ST3GAL6: variants seen among roughly 807,000 people sequenced by gnomAD.
ST3GAL6 encodes the protein type 2 lactosamine alpha-2,3-sialyltransferase.
ST3GAL6 carries 31 observed loss-of-function variants against 40.5 expected under a neutral mutation model. The observed-to-expected ratio is 0.77, with a 90% confidence interval of 0.58 to 1.03. The LOEUF is 1.03. Among genes scored for constraint, ST3GAL6 ranks in the 50% least tolerant of loss-of-function variants. ST3GAL6 has a pLI of 0.00. For missense variants in ST3GAL6, 357 were observed against 393.2 expected, an observed-to-expected ratio of 0.91 and a Z score of 0.78; for synonymous variants, 129 against 136.9, an observed-to-expected ratio of 0.94 and a Z score of 0.40.
intron 1 of ST3GAL6, among the ~76,000 whole-genome samples, chr3:98,740,263 A>G (rs1414165934): frequency 8.2e-6 from 1 of 121,726 alleles, no homozygotes; most frequent in Non-Finnish European, 1.7e-5. Context: ...TTTGATGTGT[A>G]TGGTTCTTCT....
intron 1 of ST3GAL6, among the ~76,000 whole-genome samples, chr3:98,740,871 A>C (rs774715724): frequency 6.6e-6 from 1 of 151,760 alleles, no homozygotes; most frequent in Non-Finnish European, 1.5e-5. Flanking sequence ...TATACCTCTA[A>C]TTTTTTCTCA....
At chr3:98,756,394 A>G (rs1481043227) in intron 1 of ST3GAL6, 1 of 1,289,774 alleles carries the variant, frequency 7.8e-7, no homozygotes, top group Admixed American at 2.3e-5. Flanking sequence ...AAGCAGCACA[A>G]CCCTGGGTTT....
chr3:98,752,851 T>G (rs546923421), intron 1 of ST3GAL6, among the ~76,000 whole-genome samples: 140 of 152,376 alleles, frequency 9.2e-4, no homozygotes, highest in Admixed American at 1.5e-3. Flanking sequence ...CAGCGTAATC[T>G]ATAAATGTTT....
intron 1 of ST3GAL6, chr3:98,756,684 T>TA (rs1218384997): frequency 3.0e-5 from 21 of 698,740 alleles, no homozygotes; most frequent in Admixed American, 4.2e-5. Context: ...TTTTTTCTCT[T>TA]ACTAGTTTTG....
intron 1 of ST3GAL6, among the ~76,000 whole-genome samples, chr3:98,755,838 G>A (rs529210300): frequency 6.3e-4 from 95 of 151,396 alleles, no homozygotes; most frequent in African/African-American, 2.2e-3. Flanking sequence ...AGTAGCCCAC[G>A]GCACATTTTT....
At position 98,770,863 on chromosome 3, in the gene ST3GAL6, TA is replaced by T. The variant is rs768220462; in HGVS notation, c.90-15del. 1.9e-6 allele frequency: 3 copies of T among 1,613,308 alleles called. No homozygotes were observed. The South Asian group carries it at 3.3e-5, about 18-fold the overall frequency. On this transcript the variant is annotated splice_polypyrimidine_tract_variant and intron_variant, in intron 2 of 9. Transcript: ENST00000483910. The stretch of plus-strand genomic sequence containing the variant: ...CCCGATTCTGGTTTCTGACTGACAT[TA>T]TTTTTGTCTCATAGGGTGGCACCTG...
intron 1 of ST3GAL6, among the ~76,000 whole-genome samples, chr3:98,755,390 G>A (rs1184077239): frequency 6.6e-6 from 1 of 152,134 alleles, no homozygotes; most frequent in African/African-American, 2.4e-5. Flanking sequence ...TGAAAATGCA[G>A]CTAAATTGTG....
chr3:98,784,947 T>C lies in ST3GAL6; in HGVS notation c.338T>C (p.Ile113Thr). ...TCACTTGTCCATCTGTCCAACAGCA[T>C]ACCCTGTAAAAAGTGTGTGGTGGTT... ...SCDLFDEFDNIPCKKCVVVGN... is the reference protein window; with the variant it reads ...SCDLFDEFDNTPCKKCVVVGN... Residue 113 changes from isoleucine (I) to threonine (T), a missense_variant and splice_region_variant, in exon 6 of 10, where the codon ATA (isoleucine) becomes ACA (threonine). Transcript: ENST00000483910. The C allele has an allele frequency of 6.2e-7, 1 of 1,611,862 alleles. No homozygotes were observed. Among genetic ancestry groups the C allele is most frequent in the Non-Finnish European group, 8.5e-7 (1 of 1,178,450 alleles).
At chr3:98,735,662 A>G (rs1935481613) in intron 1 of ST3GAL6, among the ~76,000 whole-genome samples, 1 of 152,354 alleles carries the variant, frequency 6.6e-6, no homozygotes, top group Admixed American at 6.5e-5. Flanking sequence ...AGTTGAAATG[A>G]AACATTCTCT....
intron 1 of ST3GAL6, 28 bp from the exon 2 acceptor site, chr3:98,768,402 G>A: frequency 6.4e-7 from 1 of 1,553,058 alleles, no homozygotes; most frequent in Non-Finnish European, 8.9e-7. Context: ...CCTGGCCTTT[G>A]CTTTGGACTT....
At chr3:98,786,797 T>C (rs896890628) in intron 6 of ST3GAL6, among the ~76,000 whole-genome samples, 9 of 151,810 alleles carry the variant, frequency 5.9e-5, no homozygotes, top group Non-Finnish European at 1.3e-4. Context: ...GGAAGGGGGT[T>C]CAGAACACAA....
At chr3:98,791,087 A>T (rs1941168872) in intron 8 of ST3GAL6, among the ~76,000 whole-genome samples, 1 of 152,138 alleles carries the variant, frequency 6.6e-6, no homozygotes, top group African/African-American at 2.4e-5. Flanking sequence ...AAAGCTTAAG[A>T]TGTATCTTGT....
rs952835462 is a variant in ST3GAL6, at chr3:98,794,742, T to C, written c.*981T>C. 6.6e-6 allele frequency: 1 copy of C among 151,956 alleles called. No homozygotes were observed. Among genetic ancestry groups the C allele is most frequent in the Non-Finnish European group, 1.5e-5 (1 of 67,996 alleles). The allele number at this position is 151,956 out of a possible 1,614,324, so 9.4% of individuals were successfully genotyped here. ...TGGTGAAACCTCATCTCTACTAAAA[T>C]ACAAAATAATTAGCTGGGCGTGGTG... is the stretch of plus-strand genomic sequence containing the variant. On this transcript the variant is annotated 3_prime_UTR_variant, in exon 10 of 10. Transcript: ENST00000483910.
At chr3:98,783,860 A>T (rs1940423629) in intron 5 of ST3GAL6, 1 of 205,226 alleles carries the variant, frequency 4.9e-6, no homozygotes. Flanking sequence ...TAAACCTTAC[A>T]ATCAGATGAA....
intron 5 of ST3GAL6, among the ~76,000 whole-genome samples, chr3:98,779,266 C>A (rs1224622042): frequency 6.6e-6 from 1 of 152,194 alleles, no homozygotes; most frequent in Non-Finnish European, 1.5e-5. Context: ...CCAAAAGCAT[C>A]TAATAGACTT....
At chr3:98,772,743 A>G (rs1039098355) in intron 3 of ST3GAL6, 70 bp from the exon 4 acceptor site, 1 of 1,005,066 alleles carries the variant, frequency 9.9e-7, no homozygotes, top group Non-Finnish European at 1.6e-6. Flanking sequence ...AGTTACTTTT[A>G]GTTTTGATTT....
intron 1 of ST3GAL6, among the ~76,000 whole-genome samples, chr3:98,756,201 TTTTG>T (rs1937405893): frequency 6.6e-6 from 1 of 152,208 alleles, no homozygotes. Context: ...GGATTTTTTG[TTTTG>T]TTTTTGTGTT....
chr3:98,771,129 C>T (rs1348672525), intron 3 of ST3GAL6, 173 bp downstream of exon 3: 2 of 1,511,382 alleles, frequency 1.3e-6, no homozygotes, highest in Non-Finnish European at 1.8e-6. Flanking sequence ...AGTCAGAGCT[C>T]TGCATATATT....
intron 1 of ST3GAL6, among the ~76,000 whole-genome samples, chr3:98,752,782 T>G (rs116626708): frequency 0.012 from 1,794 of 152,348 alleles, 17 homozygotes; most frequent in South Asian, 0.022. Flanking sequence ...ATCACTGATC[T>G]TTGATGTTAC....
Sources: gnomAD v4.1 joint callset for allele counts (sites outside exome capture counted in the v4.1 genomes callset) on GRCh38, gnomAD v4.1.1 for gene constraint, MANE v1.5 for transcripts, NCBI Gene and HGNC (gene_info 2026-07-23, HGNC 2026-07-21) for gene names.